Variants in AKR1C3 observed in about 807,000 individuals in gnomAD.
AKR1C3 encodes the protein aldo-keto reductase family 1 member C3, also known as 3-alpha hydroxysteroid dehydrogenase, type II.
In AKR1C3, 48 loss-of-function variants were observed where a neutral mutation model predicts 43.6. That is an observed-to-expected ratio of 1.10 (90% CI 0.87 to 1.40). AKR1C3 has a LOEUF of 1.40. AKR1C3 is among the 40% of genes most tolerant of loss of function. The pLI is 0.00. For missense variants in AKR1C3, 482 were observed against 391.2 expected (o/e 1.23, Z -1.96); for synonymous variants, 162 against 139.6 (o/e 1.16, Z -1.13).
chr10:5,104,715 C>A (rs1839455360), intron 7 of AKR1C3, among the ~76,000 whole-genome samples: 1 of 151,972 alleles, frequency 6.6e-6, no homozygotes, highest in Non-Finnish European at 1.5e-5. Context: ...GATGAATTTC[C>A]AACTATTTAA....
At chr10:5,099,669 A>C (rs1839300038) in intron 5 of AKR1C3, 2 of 756,270 alleles carry the variant, frequency 2.6e-6, no homozygotes, top group East Asian at 3.0e-5. Context: ...AATCGTGTGT[A>C]ATATTTAGGG....
chr10:5,053,317 A>C (rs1287895224), intron 1 of AKR1C3, among the ~76,000 whole-genome samples: 1 of 152,206 alleles, frequency 6.6e-6, no homozygotes, highest in African/African-American at 2.4e-5. Flanking sequence ...GTCCGGTGAG[A>C]AATTGAGCAC....
At chr10:5,064,108 A>T (rs148151715) in intron 1 of AKR1C3, among the ~76,000 whole-genome samples, 3,049 of 152,320 alleles carry the variant, frequency 0.02, 110 homozygotes, top group African/African-American at 0.07. Flanking sequence ...GCAACCATTC[A>T]GTAATATTCA....
intron 8 of AKR1C3, 56 bp from the exon 9 acceptor site, chr10:5,107,405 C>A: frequency 8.2e-7 from 1 of 1,223,370 alleles, no homozygotes; most frequent in Non-Finnish European, 1.2e-6. Context: ...AATCACTTTA[C>A]TACTCCCCTA....
chr10:5,102,095 C>G lies in AKR1C3; in HGVS notation c.571-6C>G. The G allele has an allele frequency of 6.3e-7, 1 of 1,581,456 alleles. No individual in the cohort carries two copies. On this transcript the variant is annotated splice_polypyrimidine_tract_variant and splice_region_variant and intron_variant, in intron 5 of 8. Transcript: ENST00000380554. ...ATTGATGCTTCTCTCTTTTGGTCAACTGCAGGTAGAATGTCATCCGTATTT... is the reference window on the plus strand; with the variant it reads ...ATTGATGCTTCTCTCTTTTGGTCAAGTGCAGGTAGAATGTCATCCGTATTT...
chr10:5,069,796 C>T (rs920916387), intron 1 of AKR1C3, among the ~76,000 whole-genome samples: 14 of 152,196 alleles, frequency 9.2e-5, no homozygotes, highest in African/African-American at 3.4e-4. Flanking sequence ...ATTGCTTAAA[C>T]CCAGGAGGCA....
chr10:5,094,230 ATTTAC>A (rs1209622393), upstream of AKR1C3: 14 of 376,826 alleles, frequency 3.7e-5, no homozygotes, highest in East Asian at 6.6e-4. Flanking sequence ...TATTATAATA[ATTTAC>A]TTAGGAATTC....
rs782050484 is a variant in AKR1C3 at position 5,097,560 on chromosome 10, T to A, written c.369+10T>A. The stretch of plus-strand genomic sequence containing the variant: ...TCCAATGTCTCTAAAGGTATGCAGT[T>A]TGTATGAGCATAAAATTGCGCTTCT... On this transcript the variant is annotated intron_variant, in intron 3 of 8. Coordinates refer to ENST00000380554, the MANE Select transcript of AKR1C3 (RefSeq NM_003739.6). The A allele has an allele frequency of 1.1e-5, 17 of 1,613,200 alleles. No individual in the cohort carries two copies. The highest frequency in any genetic ancestry group is 3.3e-4 in the Middle Eastern group (2 of 6,076).
chr10:5,059,233 A>G (rs1456668210), intron 1 of AKR1C3, among the ~76,000 whole-genome samples: 1 of 152,212 alleles, frequency 6.6e-6, no homozygotes, highest in Non-Finnish European at 1.5e-5. Context: ...AGTTGATACT[A>G]GAAGTCATTC....
At chr10:5,081,626 CAACT>C (rs1838838929) in intron 1 of AKR1C3, 1 of 152,198 alleles carries the variant, frequency 6.6e-6, no homozygotes, top group African/African-American at 2.4e-5. Context: ...TAAAGCCAAC[CAACT>C]AAGCAAAATC....
At chr10:5,075,745 A>G (rs1182410052) in intron 1 of AKR1C3, among the ~76,000 whole-genome samples, 1 of 152,070 alleles carries the variant, frequency 6.6e-6, no homozygotes, top group East Asian at 1.9e-4. Flanking sequence ...ATGGTGGTGC[A>G]TGCCTCCTAT....
rs1475697550 is a variant in AKR1C3, at chr10:5,099,561, C to T, written c.570+112C>T. The T allele has an allele frequency of 1.6e-5, 24 of 1,541,066 alleles. No homozygotes were observed. In the Admixed American group the frequency reaches 4.5e-4, roughly 29 times the overall value. On this transcript the variant is annotated intron_variant, in intron 5 of 8. Transcript: ENST00000380554. ...TTATCTTTGTGAAGTAGAAGATTAT[C>T]TAGAGAGCAAAGCTTCTGTCAAGAA...
At chr10:5,072,724 C>T (rs984416688) in intron 1 of AKR1C3, among the ~76,000 whole-genome samples, 2 of 152,108 alleles carry the variant, frequency 1.3e-5, no homozygotes, top group South Asian at 2.1e-4. Context: ...CCCCAATTAC[C>T]AGGTGAATTT....
intron 1 of AKR1C3, among the ~76,000 whole-genome samples, chr10:5,075,334 A>G (rs1838694241): frequency 6.6e-6 from 1 of 152,138 alleles, no homozygotes; most frequent in African/African-American, 2.4e-5. Context: ...TTAAGAAGGT[A>G]GAGAAAATTT....
chr10:5,068,204 G>C (rs1212442763), intron 1 of AKR1C3, among the ~76,000 whole-genome samples: 1 of 152,104 alleles, frequency 6.6e-6, no homozygotes, highest in African/African-American at 2.4e-5. Flanking sequence ...CATATAATTA[G>C]ACATTTGAAT....
Position 5,105,638 on chromosome 10 carries a change from A to C in AKR1C3, c.890A>C (p.Asp297Ala). The change falls in exon 8 of 9, where the codon GAT becomes GCT. Residue 297 changes from aspartate (D) to alanine (A), a missense_variant. Transcript: ENST00000380554. ...QLTAEDMKAI[D>A]GLDRNLHYFN... ...ACTGCAGAGGACATGAAAGCCATAG[A>C]TGGCCTAGACAGAAATCTCCACTAT... 1 of 1,614,078 alleles carries C rather than the reference A, an allele frequency of 6.2e-7. No individual in the cohort carries two copies. Among genetic ancestry groups the C allele is most frequent in the Non-Finnish European group, 8.5e-7 (1 of 1,179,944 alleles).
chr10:5,059,779 C>G (rs1838342236), intron 1 of AKR1C3, among the ~76,000 whole-genome samples: 1 of 151,866 alleles, frequency 6.6e-6, no homozygotes, highest in African/African-American at 2.4e-5. Flanking sequence ...AGCTGATGGT[C>G]TCACCCCTCG....
At chr10:5,076,844 C>G (rs1838725728) in intron 1 of AKR1C3, among the ~76,000 whole-genome samples, 1 of 152,166 alleles carries the variant, frequency 6.6e-6, no homozygotes, top group African/African-American at 2.4e-5. Flanking sequence ...ACTGCCTTTG[C>G]TTTATTTGCA....
chr10:5,075,962 G>A (rs781874804), intron 1 of AKR1C3, among the ~76,000 whole-genome samples: 10 of 151,716 alleles, frequency 6.6e-5, no homozygotes, highest in Non-Finnish European at 1.5e-4. Context: ...GGCACAGGTT[G>A]CTGGGGCTAA....
Sources: gnomAD v4.1 joint callset for allele counts (sites outside exome capture counted in the v4.1 genomes callset) on GRCh38, gnomAD v4.1.1 for gene constraint, MANE v1.5 for transcripts, NCBI Gene and HGNC (gene_info 2026-07-23, HGNC 2026-07-21) for gene names.